PPFIBP2: variants seen among roughly 807,000 people sequenced by gnomAD.
PPFIBP2 encodes PPFIB scaffold protein 2, also known as liprin-beta-2.
In PPFIBP2, 118 loss-of-function variants were observed where a neutral mutation model predicts 118.3. The observed-to-expected ratio is 1.00, with a 90% CI of 0.86 to 1.16. The LOEUF is 1.16. Among genes scored for constraint, PPFIBP2 ranks in the 50% most tolerant of loss-of-function variants. The probability of loss-of-function intolerance (pLI) is 0.00; values close to 1 mark genes in which losing one functional copy is unlikely to be tolerated. For missense variants in PPFIBP2, 1,195 were observed against 1,073.1 expected (o/e 1.11, Z -1.59); for synonymous variants, 414 against 397.4 (o/e 1.04, Z -0.50).
chr11:7,537,955 C>G (rs1281418858), intron 1 of PPFIBP2, among the ~76,000 whole-genome samples: 1 of 152,116 alleles, frequency 6.6e-6, no homozygotes, highest in Non-Finnish European at 1.5e-5. Context: ...CTAATCAGTG[C>G]TTGAGTTGGG....
At chr11:7,605,870 G>T in intron 5 of PPFIBP2, 2 of 1,467,456 alleles carry the variant, frequency 1.4e-6, no homozygotes, top group Non-Finnish European at 1.8e-6. Context: ...GATCCAAGTG[G>T]TGACTGTGCT....
chr11:7,566,103 G>C (rs564393154), intron 3 of PPFIBP2, among the ~76,000 whole-genome samples: 89 of 151,978 alleles, frequency 5.9e-4, no homozygotes, highest in African/African-American at 2.0e-3. Flanking sequence ...TCCCTGGCTG[G>C]TGTCTCTACC....
intron 3 of PPFIBP2, chr11:7,571,904 C>T (rs1431060389): frequency 6.6e-6 from 1 of 152,224 alleles, no homozygotes; most frequent in Non-Finnish European, 1.5e-5. Flanking sequence ...ATGAGGTCAG[C>T]ATGGGCTTCA....
intron 2 of PPFIBP2, among the ~76,000 whole-genome samples, chr11:7,557,435 C>T (rs972746052): frequency 3.3e-5 from 5 of 150,222 alleles, no homozygotes; most frequent in Non-Finnish European, 7.4e-5. Context: ...AAGTAAAAGG[C>T]TTTCAATAAT....
chr11:7,607,059 C>T lies in PPFIBP2; in HGVS notation c.487-3232C>T, dbSNP rs368868407. ...CCCAGTAGCTGGGACTACAGGTGCC[C>T]ACCACCACACCTGGCTAATTTTTTG... On this transcript the variant is annotated intron_variant, in intron 5 of 23. Coordinates refer to ENST00000299492, the MANE Select transcript of PPFIBP2 (RefSeq NM_003621.5). 5.3e-5 allele frequency among the ~76,000 whole-genome samples: 8 copies of T among 150,780 alleles called. No homozygotes were observed. In the East Asian group the frequency reaches 9.7e-4, roughly 18 times the overall value.
At chr11:7,541,588 G>C (rs1223862525) in intron 1 of PPFIBP2, among the ~76,000 whole-genome samples, 1 of 152,162 alleles carries the variant, frequency 6.6e-6, no homozygotes, top group Non-Finnish European at 1.5e-5. Flanking sequence ...GAGTGTTTCA[G>C]GGAGTCCTGG....
the PPFIBP2 span, chr11:7,665,443 T>C: frequency 0.77 from 1,246,780 of 1,612,478 alleles, 482,869 homozygotes; most frequent in African/African-American, 0.85. Context: ...CCGTCTGGAT[T>C]AGTGGTGGCG....
At chr11:7,599,641 T>C (rs1019027650) in intron 5 of PPFIBP2, among the ~76,000 whole-genome samples, 4 of 150,980 alleles carry the variant, frequency 2.6e-5, no homozygotes, top group African/African-American at 9.8e-5. Flanking sequence ...TTTTTTTTTT[T>C]TTTTTTTGAG....
At chr11:7,566,157 A>G (rs1208203757) in intron 3 of PPFIBP2, among the ~76,000 whole-genome samples, 1 of 152,134 alleles carries the variant, frequency 6.6e-6, no homozygotes, top group Non-Finnish European at 1.5e-5. Flanking sequence ...CACAAACAAA[A>G]GACTGGTTAC....
chr11:7,605,820 G>C lies in PPFIBP2; in HGVS notation c.487-4471G>C, dbSNP rs577914218. On this transcript the variant is annotated intron_variant, in intron 5 of 23. Transcript: ENST00000299492. The stretch of plus-strand genomic sequence containing the variant: ...CAGAGGAGAGAATTTCAGAGCTGAA[G>C]ATTTTAGAAGCAAAGCAAACACATT... 2,009 of 1,371,552 alleles carry C rather than the reference G, an allele frequency of 1.5e-3. 4 individuals carry two copies. The highest frequency in any genetic ancestry group is 1.7e-3 in the Non-Finnish European group (1,869 of 1,068,738). The allele number at this position is 1,371,552 out of a possible 1,614,324, so 85.0% of individuals were successfully genotyped here.
intron 4 of PPFIBP2, among the ~76,000 whole-genome samples, chr11:7,593,696 C>T (rs1360129599): frequency 2.0e-5 from 3 of 152,180 alleles, no homozygotes; most frequent in Non-Finnish European, 4.4e-5. Context: ...AATGCCAAAT[C>T]CCCTGGAGCT....
intron 15 of PPFIBP2, 68 bp downstream of exon 15, chr11:7,639,938 G>A (rs112334374): frequency 9.0e-6 from 14 of 1,553,612 alleles, no homozygotes; most frequent in Non-Finnish European, 1.1e-5. Flanking sequence ...GATTGTATAA[G>A]ATCCCTGCAC....
At position 7,653,752 on chromosome 11, in the gene PPFIBP2, G is replaced by A. The variant is rs547160492; in HGVS notation, c.*534G>A. 2.0e-5 allele frequency: 24 copies of A among 1,209,564 alleles called. No homozygotes were observed. Among genetic ancestry groups the A allele is most frequent in the Middle Eastern group, 3.0e-4 (1 of 3,286 alleles). The allele number at this position is 1,209,564 out of a possible 1,614,324, so 74.9% of individuals were successfully genotyped here. ...CTTGTAATAAAAGCAATATTTATGC[G>A]GAAAGCAAGCAGCTCACCATATCTT... On this transcript the variant is annotated 3_prime_UTR_variant, in exon 24 of 24. Coordinates refer to ENST00000299492, the MANE Select transcript of PPFIBP2 (RefSeq NM_003621.5).
Position 7,649,623 on chromosome 11 carries a change from C to T in PPFIBP2, c.2090C>T (p.Pro697Leu), listed in dbSNP as rs748180541. 3.1e-6 allele frequency: 5 copies of T among 1,614,106 alleles called. No individual in the cohort carries two copies. In the African/African-American group the frequency reaches 4.0e-5, roughly 13 times the overall value. Residue 697 changes from proline (P) to leucine (L), a missense_variant, in exon 21 of 24, where the codon CCC (proline) becomes CTC (leucine). By Grantham distance (98) the Pro-to-Leu change is moderately conservative. Transcript: ENST00000299492. The part of the protein sequence containing the change: ...IHVLHVNKFN[P>L]HCLHRRPADE... ...GTGCTGCATGTCAACAAGTTCAACC[C>T]CCACTGCCTGCACCGGCGGCCAGCT... is the stretch of plus-strand genomic sequence containing the variant.
chr11:7,578,973 C>T lies in PPFIBP2; in HGVS notation c.279+13206C>T, dbSNP rs1236160760. The stretch of plus-strand genomic sequence containing the variant: ...GGATCACGCAGGACAGTGAAGGCCA[C>T]GGTAAGGCTTTTGGGCAACCTGGTT... On this transcript the variant is annotated intron_variant, in intron 3 of 23. Transcript: ENST00000299492. Among the ~76,000 whole-genome samples the T allele has an allele frequency of 4.0e-5, 6 of 150,804 alleles. 1 individual carries two copies. Among genetic ancestry groups the T allele is most frequent in the Non-Finnish European group, 7.4e-5 (5 of 67,872 alleles).
At chr11:7,590,762 C>T (rs1859111024) in intron 3 of PPFIBP2, among the ~76,000 whole-genome samples, 1 of 152,222 alleles carries the variant, frequency 6.6e-6, no homozygotes, top group Non-Finnish European at 1.5e-5. Context: ...ACCTTTGGCC[C>T]ATATTGTCCA....
chr11:7,610,251 CA>C (rs1367934384), intron 5 of PPFIBP2, 39 bp from the exon 6 acceptor site: 1 of 1,602,636 alleles, frequency 6.2e-7, no homozygotes, highest in Admixed American at 1.7e-5. Flanking sequence ...TTCTTATTGC[CA>C]TAGTGGTTTC....
chr11:7,566,619 G>A (rs554631056), intron 3 of PPFIBP2, among the ~76,000 whole-genome samples: 8 of 152,182 alleles, frequency 5.3e-5, no homozygotes, highest in East Asian at 1.9e-4. Flanking sequence ...CACCCACCTC[G>A]GCCTCCCAAA....
chr11:7,565,762 A>G lies in PPFIBP2; in HGVS notation c.274A>G (p.Ser92Gly). The G allele has an allele frequency of 6.2e-7, 1 of 1,613,836 alleles. No individual in the cohort carries two copies. The highest frequency in any genetic ancestry group is 8.5e-7 in the Non-Finnish European group (1 of 1,179,848). ...AAYIKEWFEE[S>G]LSQVNHHSAA... is the part of the protein sequence containing the mutation. ...CTACATAAAGGAATGGTTTGAAGAG[A>G]GCTTGGTGAGTAGTCCCGTGGCCTG... The change falls in exon 3 of 24, where the codon AGC (serine) becomes GGC (glycine). Residue 92 changes from serine (S) to glycine (G), a missense_variant. Transcript: ENST00000299492.
Sources: gnomAD v4.1 joint callset for allele counts (sites outside exome capture counted in the v4.1 genomes callset) on GRCh38, gnomAD v4.1.1 for gene constraint, MANE v1.5 for transcripts, NCBI Gene and HGNC (gene_info 2026-07-23, HGNC 2026-07-21) for gene names.